DTD1: variants seen among roughly 807,000 people sequenced by gnomAD.
The protein encoded by DTD1 is D-aminoacyl-tRNA deacylase 1, also known as D-tyrosyl-tRNA deacylase 1 homolog.
In DTD1, 13 loss-of-function variants were observed where a neutral mutation model predicts 25.6. That is an observed-to-expected ratio of 0.51 (90% CI 0.33 to 0.81). The LOEUF is 0.81. DTD1 is among the 30% of genes least tolerant of loss of function. DTD1 has a pLI of 0.02. For missense variants in DTD1, 193 were observed against 266.4 expected (o/e 0.72, Z 1.92); for synonymous variants, 110 against 103.6 (o/e 1.06, Z -0.37).
intron 3 of DTD1, among the ~76,000 whole-genome samples, chr20:18,626,826 C>A (rs1351377744): frequency 6.6e-6 from 1 of 152,190 alleles, no homozygotes; most frequent in African/African-American, 2.4e-5. Flanking sequence ...GAAGCATATA[C>A]TGTATATCCT....
intron 4 of DTD1, among the ~76,000 whole-genome samples, chr20:18,690,997 A>G (rs897269370): frequency 6.6e-6 from 1 of 152,252 alleles, no homozygotes; most frequent in East Asian, 1.9e-4. Context: ...ATGCATGGCC[A>G]ACAAACGTGG....
At chr20:18,608,382 A>T (rs6075377) in intron 3 of DTD1, among the ~76,000 whole-genome samples, 49,345 of 101,874 alleles carry the variant, frequency 0.48, 8,593 homozygotes, top group South Asian at 0.57. Flanking sequence ...TTTTTTTTTT[A>T]AAAAGTTTAT....
chr20:18,655,087 T>C (rs1342779020), intron 4 of DTD1, among the ~76,000 whole-genome samples: 1 of 152,238 alleles, frequency 6.6e-6, no homozygotes, highest in Non-Finnish European at 1.5e-5. Flanking sequence ...TTAGCTATGT[T>C]ATGATATAAC....
At chr20:18,642,003 A>G (rs6035093) in intron 4 of DTD1, among the ~76,000 whole-genome samples, 77,198 of 152,042 alleles carry the variant, frequency 0.51, 19,971 homozygotes, top group Middle Eastern at 0.57. Context: ...TAGCTTTTAC[A>G]TTTAGATATT....
At chr20:18,641,441 A>G (rs1274313047) in intron 4 of DTD1, among the ~76,000 whole-genome samples, 1 of 152,082 alleles carries the variant, frequency 6.6e-6, no homozygotes, top group Non-Finnish European at 1.5e-5. Context: ...CGTCTGTACC[A>G]TTTTACATTC....
intron 2 of DTD1, among the ~76,000 whole-genome samples, chr20:18,595,760 G>C (rs774480226): frequency 3.9e-5 from 6 of 152,120 alleles, no homozygotes; most frequent in African/African-American, 1.4e-4. Context: ...GAACTGGAGC[G>C]ACTGGCAAAA....
intron 4 of DTD1, among the ~76,000 whole-genome samples, chr20:18,690,094 C>A (rs1474144279): frequency 4.0e-5 from 6 of 148,972 alleles, no homozygotes; most frequent in Admixed American, 3.3e-4. Context: ...TGTGATCACA[C>A]CACTGCATTT....
At chr20:18,625,226 C>T (rs1798682724) in intron 3 of DTD1, among the ~76,000 whole-genome samples, 1 of 152,236 alleles carries the variant, frequency 6.6e-6, no homozygotes. Flanking sequence ...GTGTGGCATG[C>T]AGTCAGACCT....
At chr20:18,726,332 G>GA (rs2061222353) in intron 4 of DTD1, among the ~76,000 whole-genome samples, 1 of 152,084 alleles carries the variant, frequency 6.6e-6, no homozygotes. Flanking sequence ...TTTAATAATT[G>GA]AAAATCACTC....
At chr20:18,760,266 C>T (rs968267491) in intron 5 of DTD1, among the ~76,000 whole-genome samples, 1 of 152,206 alleles carries the variant, frequency 6.6e-6, no homozygotes, top group Non-Finnish European at 1.5e-5. Flanking sequence ...AGCTTTGTTC[C>T]ATTGCTGGTG....
Position 18,763,508 on chromosome 20 carries a change from C to T in DTD1, c.*168C>T, listed in dbSNP as rs1310071573. The T allele has an allele frequency of 6.6e-6, 1 of 152,642 alleles. No homozygotes were observed. The highest frequency in any genetic ancestry group is 2.4e-5 in the African/African-American group (1 of 41,442). 9.5% of individuals were successfully genotyped at this position (152,642 alleles called of 1,614,324 possible). A position where few individuals can be genotyped will look rare whatever the true frequency, so the allele number is the denominator to read the frequency against. On this transcript the variant is annotated 3_prime_UTR_variant, in exon 6 of 6. Transcript: ENST00000377452. ...AGCTCTGCAAAAAACACCAAAGGAC[C>T]GTTTTATCGTTTTCTGTTGTTGCTG...
intron 4 of DTD1, among the ~76,000 whole-genome samples, chr20:18,708,856 C>T (rs2061146892): frequency 6.6e-6 from 1 of 152,108 alleles, no homozygotes; most frequent in South Asian, 2.1e-4. Flanking sequence ...AGCAGGAGTG[C>T]CCCATACCTC....
rs540205668 is a variant in DTD1 at position 18,612,689 on chromosome 20, C to T, written c.371-15438C>T. On this transcript the variant is annotated intron_variant, in intron 3 of 5. Transcript: ENST00000377452. Reference sequence around the variant, plus strand: ...TTTTTTTTATTTTGCGACAGAGTCTCACTCTGTCGCCCAGGCTGGAGTGCA... The same window carrying T: ...TTTTTTTTATTTTGCGACAGAGTCTTACTCTGTCGCCCAGGCTGGAGTGCA... Among the ~76,000 whole-genome samples, 28 of 151,436 alleles carry T rather than the reference C, an allele frequency of 1.8e-4. No individual in the cohort carries two copies. In the South Asian group the frequency reaches 5.5e-3, roughly 30 times the overall value.
chr20:18,631,046 A>T (rs958725783), intron 4 of DTD1: 2 of 985,252 alleles, frequency 2.0e-6, no homozygotes, highest in African/African-American at 3.5e-5. Context: ...TGAAGTGCTA[A>T]CCTCTTTCCC....
chr20:18,751,799 T>C (rs2061322264), intron 5 of DTD1, among the ~76,000 whole-genome samples: 1 of 151,882 alleles, frequency 6.6e-6, no homozygotes, highest in South Asian at 2.1e-4. Flanking sequence ...CGGCCTTTGT[T>C]TTTGAAGGAT....
chr20:18,727,565 T>G (rs2061226693), intron 4 of DTD1, among the ~76,000 whole-genome samples: 1 of 152,076 alleles, frequency 6.6e-6, no homozygotes, highest in Non-Finnish European at 1.5e-5. Flanking sequence ...AGTGAGATAT[T>G]CACATGCCAC....
chr20:18,589,072 C>A (rs1178207367), intron 1 of DTD1, among the ~76,000 whole-genome samples: 13 of 152,002 alleles, frequency 8.6e-5, no homozygotes, highest in African/African-American at 3.1e-4. Flanking sequence ...CAAAACAGGC[C>A]GGGGGCTGTG....
At chr20:18,754,689 G>T (rs1368088832) in intron 5 of DTD1, among the ~76,000 whole-genome samples, 1 of 152,196 alleles carries the variant, frequency 6.6e-6, no homozygotes, top group Non-Finnish European at 1.5e-5. Flanking sequence ...TGTGAGCTGC[G>T]TGGTCTCCAG....
At chr20:18,707,149 C>T (rs957262212) in intron 4 of DTD1, among the ~76,000 whole-genome samples, 2 of 152,296 alleles carry the variant, frequency 1.3e-5, no homozygotes, top group Non-Finnish European at 2.9e-5. Context: ...TGAGATGCAG[C>T]GTTCAGACGA....
Sources: allele counts gnomAD v4.1 joint callset (sites outside exome capture counted in the v4.1 genomes callset), GRCh38; gene constraint gnomAD v4.1.1; transcripts MANE v1.5; gene names NCBI Gene and HGNC (gene_info 2026-07-23, HGNC 2026-07-21).